The following ITIH3 variants were observed in gnomAD, a reference collection of about 807,000 sequenced individuals.
ITIH3 encodes the protein inter-alpha-trypsin inhibitor heavy chain 3.
ITIH3 carries 81 observed loss-of-function variants against 96.5 expected under a neutral mutation model. That is an observed-to-expected ratio of 0.84 (90% CI 0.70 to 1.01). The LOEUF (loss-of-function observed/expected upper bound fraction) is 1.01, where lower values mean the gene tolerates loss of function less well. Among genes scored for constraint, ITIH3 ranks in the 50% least tolerant of loss-of-function variants. The pLI is 0.00. For synonymous variants in ITIH3, 422 were observed against 445.2 expected (o/e 0.95, Z 0.66); for missense variants, 1,057 against 1,139.3 (o/e 0.93, Z 1.04).
At chr3:52,801,665 C>T (rs998015046) in intron 11 of ITIH3, among the ~76,000 whole-genome samples, 6 of 152,166 alleles carry the variant, frequency 3.9e-5, no homozygotes, top group Admixed American at 1.3e-4. Context: ...CTCTGGATGT[C>T]TGTGTCCAAC....
At chr3:52,803,323 TTA>T (rs1448499518) in intron 13 of ITIH3, among the ~76,000 whole-genome samples, 3 of 95,720 alleles carry the variant, frequency 3.1e-5, no homozygotes, top group African/African-American at 7.4e-5. Flanking sequence ...TTTATTATTA[TTA>T]TTTTTTTTTT....
At chr3:52,795,866 G>A (rs573551158) in intron 2 of ITIH3, 9 of 526,724 alleles carry the variant, frequency 1.7e-5, no homozygotes, top group South Asian at 5.6e-5. Flanking sequence ...CCTTCCTTCC[G>A]CAGACACTTC....
rs1699590957 is a variant in ITIH3 at position 52,796,606 on chromosome 3, T to C, written c.240T>C (p.Asp80=). ...ACACGGCCAAGGAGGTTTCCTTTGA[T>C]GTGGAGCTGCCCAAGACGGCCTTCA... ...RADTAKEVSF[D]VELPKTAFIT... Residue 80 remains aspartate (D), a synonymous_variant, in exon 3 of 22, where the codon GAT becomes GAC. Coordinates refer to ENST00000449956, the MANE Select transcript of ITIH3 (RefSeq NM_002217.4). 1 of 1,613,354 alleles carries C rather than the reference T, an allele frequency of 6.2e-7. No homozygotes were observed. Among genetic ancestry groups the C allele is most frequent in the Admixed American group, 1.7e-5 (1 of 59,892 alleles).
chr3:52,806,062 C>T (rs1422475400), intron 16 of ITIH3, 41 bp from the exon 17 acceptor site: 3 of 1,583,012 alleles, frequency 1.9e-6, no homozygotes, highest in Non-Finnish European at 2.6e-6. Flanking sequence ...CCTCCCAGGG[C>T]CACTTGCTTA....
chr3:52,798,928 G>A, intron 6 of ITIH3, 38 bp from the exon 7 acceptor site: 1 of 1,607,486 alleles, frequency 6.2e-7, no homozygotes, highest in Non-Finnish European at 8.5e-7. Context: ...GGCAGGCCCT[G>A]GCCGAGCTGA....
chr3:52,799,079 T>C lies in ITIH3; in HGVS notation c.777T>C (p.Pro259=). Reference sequence around the variant, plus strand: ...CCTATGACGTGAACAGAGAATCTCCTGGCAACGTGCAGGTACCCGGGCTGG... The same window carrying C: ...CCTATGACGTGAACAGAGAATCTCCCGGCAACGTGCAGGTACCCGGGCTGG... The part of the protein sequence containing the change: ...TITYDVNRES[P]GNVQIVNGYF... Residue 259 remains proline, a synonymous_variant, in exon 7 of 22, where the codon CCT becomes CCC. Transcript: ENST00000449956. 3.1e-6 allele frequency: 5 copies of C among 1,613,484 alleles called. No homozygotes were observed. Among genetic ancestry groups the C allele is most frequent in the Non-Finnish European group, 4.2e-6 (5 of 1,179,716 alleles).
chr3:52,800,698 G>T, intron 10 of ITIH3, 35 bp downstream of exon 10: 1 of 1,591,984 alleles, frequency 6.3e-7, no homozygotes, highest in East Asian at 2.3e-5. Context: ...AGCTAGGGCT[G>T]GAGTGCTTGG....
chr3:52,808,124 C>T lies in ITIH3; in HGVS notation c.2446C>T (p.Pro816Ser), dbSNP rs1394091994. 19 of 1,614,036 alleles carry T rather than the reference C, an allele frequency of 1.2e-5. No homozygotes were observed. The highest frequency in any genetic ancestry group is 1.6e-5 in the Non-Finnish European group (19 of 1,179,962). ...TTTCTTCCCAGGGCAATTCTTCCAA[C>T]CCTTTGACTTTAAAGTGTCTGACAT... ...THGLLGQFFQ[P>S]FDFKVSDIRP... Residue 816 changes from proline to serine, a missense_variant, in exon 21 of 22, where the codon CCC becomes TCC. Pro to Ser is a moderately conservative substitution (Grantham distance 74). Transcript: ENST00000449956.
In ITIH3 at chr3:52,805,825, G is replaced by T; in HGVS notation, c.1891G>T (p.Ala631Ser). ...CTTTTCAGCCACACCGGTGAGCCCC[G>T]CCATGTCCTACCTGAGTGAGTACAT... ...EDAEATPVSP[A>S]MSYLTSYQPP... Residue 631 changes from alanine (A) to serine (S), a missense_variant, in exon 16 of 22, where the codon GCC becomes TCC. Transcript: ENST00000449956. 1 of 1,613,786 alleles carries T rather than the reference G, an allele frequency of 6.2e-7. No homozygotes were observed.
chr3:52,804,810 A>G, intron 15 of ITIH3, 76 bp downstream of exon 15: 1 of 1,504,418 alleles, frequency 6.6e-7, no homozygotes, highest in Non-Finnish European at 9.1e-7. Context: ...CTTTCCAAGC[A>G]AGATAGGACC....
chr3:52,806,832 A>G, intron 18 of ITIH3, 69 bp from the exon 19 acceptor site: 7 of 1,307,858 alleles, frequency 5.4e-6, no homozygotes, highest in South Asian at 3.8e-5. Context: ...AGAGGAAGGC[A>G]CACCCCTAAA....
intron 13 of ITIH3, 125 bp from the exon 14 acceptor site, chr3:52,803,730 C>A (rs1419265616): frequency 6.4e-6 from 7 of 1,085,772 alleles, no homozygotes; most frequent in Non-Finnish European, 9.3e-6. Flanking sequence ...TGGGCTGTAC[C>A]CTGGGGGACC....
rs1699814430 is a variant in ITIH3 at position 52,801,091 on chromosome 3, A to G, written c.1328A>G (p.Asn443Ser). The G allele has an allele frequency of 6.2e-7, 1 of 1,608,882 alleles. No homozygotes were observed. The highest frequency in any genetic ancestry group is 1.1e-5 in the South Asian group (1 of 90,050). Residue 443 changes from asparagine (N) to serine (S), a missense_variant, in exon 11 of 22, where the codon AAC becomes AGC. Coordinates refer to ENST00000449956, the MANE Select transcript of ITIH3 (RefSeq NM_002217.4). The stretch of plus-strand genomic sequence containing the variant: ...TTCCTGGAGAACATGGCCCTGGAGA[A>G]CCATGGGTTTGCCCGGCGCATTTAT... ...YNFLENMALENHGFARRIYED... is the reference protein window; with the variant it reads ...YNFLENMALESHGFARRIYED...
intron 13 of ITIH3, among the ~76,000 whole-genome samples, chr3:52,803,315 TA>T (rs1559472808): frequency 5.2e-5 from 6 of 114,954 alleles, no homozygotes; most frequent in African/African-American, 3.1e-4. Context: ...TATTTTATTT[TA>T]TTATTATTAT....
chr3:52,797,290 C>G lies in ITIH3; in HGVS notation c.549+23C>G, dbSNP rs140769155. On this transcript the variant is annotated intron_variant, in intron 5 of 21. Transcript: ENST00000449956. ...GAGGTAATCAACCGCCCCTGCAGACCTGGGGGGACGGCAGCGGGGTGCAGG... is the reference window on the plus strand; with the variant it reads ...GAGGTAATCAACCGCCCCTGCAGACGTGGGGGGACGGCAGCGGGGTGCAGG... 8,579 of 1,585,030 alleles carry G rather than the reference C, an allele frequency of 5.4e-3. 27 individuals are homozygous for G. The highest frequency in any genetic ancestry group is 7.5e-3 in the Middle Eastern group (34 of 4,556).
Position 52,807,886 on chromosome 3 carries a change from CGG to C in ITIH3, c.2402_2403del (p.Arg801HisfsTer17). The C allele has an allele frequency of 6.2e-7, 1 of 1,612,578 alleles. No individual in the cohort carries two copies. The highest frequency in any genetic ancestry group is 8.5e-7 in the Non-Finnish European group (1 of 1,179,340). On this transcript the variant is annotated frameshift_variant, in exon 20 of 22. Transcript: ENST00000449956. LOFTEE classifies it high-confidence loss of function. ...FLGFYVVDSH[R>X]MSAQTHGLLG... ...AGGCTTCTACGTGGTGGACAGTCAC[CGG>C]ATGTCAGCACAGACGCATGGGCTGC...
At chr3:52,800,925 A>C (rs1699807186) in intron 10 of ITIH3, 40 bp from the exon 11 acceptor site, 1 of 1,612,484 alleles carries the variant, frequency 6.2e-7, no homozygotes, top group East Asian at 2.2e-5. Context: ...GACCATCCCC[A>C]GGGCTGGGGC....
At position 52,802,432 on chromosome 3, in the gene ITIH3, C is replaced by T. The variant is rs552779818; in HGVS notation, c.1482C>T (p.His494=). ...ACCTCACCCAGAACACTTACCAGCA[C>T]TTCTACGATGGCTCTGAGATCGTGG... is the stretch of plus-strand genomic sequence containing the variant. ...ILDLTQNTYQ[H]FYDGSEIVVA... The change falls in exon 12 of 22, where the codon CAC becomes CAT. Residue 494 remains histidine (H), a synonymous_variant. Transcript: ENST00000449956. 6.2e-7 allele frequency: 1 copy of T among 1,613,998 alleles called. No individual in the cohort carries two copies. The highest frequency in any genetic ancestry group is 2.2e-5 in the East Asian group (1 of 44,876).
Position 52,799,939 on chromosome 3 carries a change from G to T in ITIH3, c.1075+18G>T. On this transcript the variant is annotated intron_variant, in intron 9 of 21. Coordinates refer to ENST00000449956, the MANE Select transcript of ITIH3 (RefSeq NM_002217.4). ...TAAAGGAAGTAAGAGCGGAGCTGGA[G>T]CCCACACACCTCCTAGCGGTGCCTC... The T allele has an allele frequency of 6.2e-7, 1 of 1,610,634 alleles. No individual in the cohort carries two copies. The highest frequency in any genetic ancestry group is 8.5e-7 in the Non-Finnish European group (1 of 1,178,264).
Sources: gnomAD v4.1 joint callset for allele counts (sites outside exome capture counted in the v4.1 genomes callset) on GRCh38, gnomAD v4.1.1 for gene constraint, MANE v1.5 for transcripts, NCBI Gene and HGNC (gene_info 2026-07-23, HGNC 2026-07-21) for gene names.